The following MGAT4A variants were observed in gnomAD, a reference collection of about 807,000 sequenced individuals.
MGAT4A encodes the protein alpha-1,3-mannosyl-glycoprotein 4-beta-N-acetylglucosaminyltransferase A.
Under a neutral mutation model 74.1 loss-of-function variants are expected in MGAT4A, and 33 were observed. That is an observed-to-expected ratio of 0.45 (90% CI 0.34 to 0.60). The LOEUF (loss-of-function observed/expected upper bound fraction) is 0.60. Ranked by LOEUF, MGAT4A falls within the 20% of genes least tolerant of loss-of-function variation. The pLI is 0.02. For missense variants in MGAT4A, 479 were observed against 628.3 expected (o/e 0.76, Z 2.54); for synonymous variants, 198 against 210.4 (o/e 0.94, Z 0.51).
At chr2:98,674,303 T>C (rs557704146) in intron 4 of MGAT4A, among the ~76,000 whole-genome samples, 6 of 152,218 alleles carry the variant, frequency 3.9e-5, no homozygotes, top group Non-Finnish European at 8.8e-5. Flanking sequence ...CAAAATAATA[T>C]TCTGCCCTCT....
intron 3 of MGAT4A, among the ~76,000 whole-genome samples, chr2:98,676,996 C>T (rs1701983913): frequency 6.6e-6 from 1 of 152,090 alleles, no homozygotes; most frequent in African/African-American, 2.4e-5. Context: ...TAAGGTGAGG[C>T]AGTGGATCTG....
At chr2:98,637,761 G>A (rs1429292894) in intron 12 of MGAT4A, among the ~76,000 whole-genome samples, 1 of 152,152 alleles carries the variant, frequency 6.6e-6, no homozygotes, top group Non-Finnish European at 1.5e-5. Context: ...AGCTTTCTGA[G>A]CCTGAGTTTC....
rs1701471272 is a variant in MGAT4A, at chr2:98,645,504, A to G, written c.813T>C (p.Asn271=). ...DDIIVKQNYF[N]TIKNFALQLS... The stretch of plus-strand genomic sequence containing the variant: ...GTTGAAGTGCAAAATTTTTTATGGT[A>G]TTAAAATAATTTTGTTTGACAATAA... Residue 271 remains asparagine (N), a synonymous_variant, in exon 9 of 16, where the codon AAT becomes AAC. Coordinates refer to ENST00000393487, the MANE Select transcript of MGAT4A (RefSeq NM_012214.3). 1 of 1,591,232 alleles carries G rather than the reference A, an allele frequency of 6.3e-7. No homozygotes were observed. The highest frequency in any genetic ancestry group is 1.4e-5 in the African/African-American group (1 of 73,616).
At chr2:98,697,170 AT>A (rs1426088922) in intron 2 of MGAT4A, among the ~76,000 whole-genome samples, 2 of 152,232 alleles carry the variant, frequency 1.3e-5, no homozygotes, top group Non-Finnish European at 2.9e-5. Flanking sequence ...ATCCCATTAA[AT>A]GCCATATAAA....
At chr2:98,658,083 C>A in intron 6 of MGAT4A, 135 bp downstream of exon 6, 3 of 598,678 alleles carry the variant, frequency 5.0e-6, no homozygotes, top group East Asian at 3.2e-5. Flanking sequence ...TATCAAATAC[C>A]AATCAGAGGT....
chr2:98,723,546 G>A (rs965036025), intron 2 of MGAT4A, among the ~76,000 whole-genome samples: 3 of 152,116 alleles, frequency 2.0e-5, no homozygotes, highest in African/African-American at 7.2e-5. Flanking sequence ...CTGTTGGTGC[G>A]CTGTTGGGGT....
At chr2:98,687,651 A>C (rs748424468) in intron 2 of MGAT4A, among the ~76,000 whole-genome samples, 4 of 151,674 alleles carry the variant, frequency 2.6e-5, no homozygotes, top group Admixed American at 6.6e-5. Flanking sequence ...CTTTCTTTTC[A>C]TGTTATTCAT....
At chr2:98,721,480 T>A (rs773487324) in intron 2 of MGAT4A, among the ~76,000 whole-genome samples, 1 of 152,110 alleles carries the variant, frequency 6.6e-6, no homozygotes, top group Admixed American at 6.6e-5. Flanking sequence ...TGGAAATATA[T>A]CAGTAATATA....
Position 98,623,893 on chromosome 2 carries a change from G to C in MGAT4A, c.*1673C>G, listed in dbSNP as rs999165278. 9 of 985,386 alleles carry C rather than the reference G, an allele frequency of 9.1e-6. No individual in the cohort carries two copies. The African/African-American group carries it at 1.4e-4, about 15-fold the overall frequency. 61.0% of individuals were successfully genotyped at this position (985,386 alleles called of 1,614,324 possible). A position where few individuals can be genotyped will look rare whatever the true frequency, so the allele number is the denominator to read the frequency against. On this transcript the variant is annotated 3_prime_UTR_variant, in exon 16 of 16. Transcript: ENST00000393487. ...AACCTTGCCCCAGCGCTAGGCCCCA[G>C]CCAGTGGTCACTCTGAAAGCTCAGC...
At chr2:98,715,724 C>CA (rs1399779393) in intron 2 of MGAT4A, among the ~76,000 whole-genome samples, 1 of 152,126 alleles carries the variant, frequency 6.6e-6, no homozygotes, top group African/African-American at 2.4e-5. Flanking sequence ...ATCTTTACAA[C>CA]AAACCCCGTA....
intron 13 of MGAT4A, among the ~76,000 whole-genome samples, chr2:98,635,743 A>T (rs1348704325): frequency 6.6e-6 from 1 of 152,144 alleles, no homozygotes; most frequent in African/African-American, 2.4e-5. Flanking sequence ...CTGTAATCTC[A>T]GCACTTTGGG....
Position 98,623,550 on chromosome 2 carries a change from T to A in MGAT4A, c.*2016A>T. ...CCTGTTTTTGAATGAAATTTGCTCATGGGCACTGGGCCAAGGAAATTTGAG... is the reference window on the plus strand; with the variant it reads ...CCTGTTTTTGAATGAAATTTGCTCAAGGGCACTGGGCCAAGGAAATTTGAG... On this transcript the variant is annotated 3_prime_UTR_variant, in exon 16 of 16. Coordinates refer to ENST00000393487, the MANE Select transcript of MGAT4A (RefSeq NM_012214.3). The A allele has an allele frequency of 1.0e-6, 1 of 985,410 alleles. No homozygotes were observed. The highest frequency in any genetic ancestry group is 1.2e-6 in the Non-Finnish European group (1 of 829,934). 61.0% of individuals were successfully genotyped at this position (985,410 alleles called of 1,614,324 possible).
intron 12 of MGAT4A, among the ~76,000 whole-genome samples, chr2:98,638,868 C>T (rs1281741039): frequency 2.0e-5 from 3 of 152,188 alleles, no homozygotes; most frequent in Non-Finnish European, 4.4e-5. Context: ...CAAATTGGCC[C>T]TCCCATTGGG....
chr2:98,684,491 T>C (rs1702102118), intron 2 of MGAT4A, among the ~76,000 whole-genome samples: 1 of 152,222 alleles, frequency 6.6e-6, no homozygotes, highest in African/African-American at 2.4e-5. Context: ...GAACCTAAGA[T>C]TCTAAAACAA....
chr2:98,624,706 C>A lies in MGAT4A; in HGVS notation c.*860G>T, dbSNP rs1175255560. The A allele has an allele frequency of 1.0e-6, 1 of 982,974 alleles. No individual in the cohort carries two copies. Among genetic ancestry groups the A allele is most frequent in the East Asian group, 1.1e-4 (1 of 8,818 alleles). 60.9% of individuals were successfully genotyped at this position (982,974 alleles called of 1,614,324 possible). On this transcript the variant is annotated 3_prime_UTR_variant, in exon 16 of 16. Transcript: ENST00000393487. ...AAGAAGAGTTTGTCATTTTACATAT[C>A]AGAGGAAATATAATAAGTTAAGTCT...
rs1420443458 is a variant in MGAT4A at position 98,623,989 on chromosome 2, T to C, written c.*1577A>G. 1 of 985,014 alleles carries C rather than the reference T, an allele frequency of 1.0e-6. No individual in the cohort carries two copies. The highest frequency in any genetic ancestry group is 1.1e-4 in the East Asian group (1 of 8,794). 61.0% of individuals were successfully genotyped at this position (985,014 alleles called of 1,614,324 possible). On this transcript the variant is annotated 3_prime_UTR_variant, in exon 16 of 16. Coordinates refer to ENST00000393487, the MANE Select transcript of MGAT4A (RefSeq NM_012214.3). ...GGCACCCCAGTGTGTCCAAGCAGAC[T>C]GGCTGGGAACTGATGTTGATACTTC...
At chr2:98,695,657 T>C (rs1702261586) in intron 2 of MGAT4A, among the ~76,000 whole-genome samples, 1 of 152,174 alleles carries the variant, frequency 6.6e-6, no homozygotes, top group Admixed American at 6.5e-5. Flanking sequence ...GATTCCCTGA[T>C]TTGTGTTTGT....
intron 1 of MGAT4A, among the ~76,000 whole-genome samples, chr2:98,727,532 G>A (rs1445156771): frequency 6.6e-6 from 1 of 152,150 alleles, no homozygotes; most frequent in African/African-American, 2.4e-5. Flanking sequence ...CTGGAGGCAC[G>A]CCAGGCCCTC....
intron 8 of MGAT4A, among the ~76,000 whole-genome samples, chr2:98,645,972 CTTACTG>C (rs1701478074): frequency 6.6e-6 from 1 of 152,032 alleles, no homozygotes; most frequent in Non-Finnish European, 1.5e-5. Flanking sequence ...ATTTAGTAGT[CTTACTG>C]TTAGTAGTGA....
Sources: allele counts gnomAD v4.1 joint callset (sites outside exome capture counted in the v4.1 genomes callset), GRCh38; gene constraint gnomAD v4.1.1; transcripts MANE v1.5; gene names NCBI Gene and HGNC (gene_info 2026-07-23, HGNC 2026-07-21).